Variants in BCAS3 observed in about 807,000 individuals in gnomAD.
BCAS3 encodes BCAS4/BCAS3 fusion.
BCAS3 carries 53 observed loss-of-function variants against 116.1 expected under a neutral mutation model. The ratio of observed to expected loss-of-function variants is 0.46; its 90% CI spans 0.37 to 0.57. The LOEUF (loss-of-function observed/expected upper bound fraction) is 0.57. Among genes scored for constraint, BCAS3 ranks in the 20% least tolerant of loss-of-function variants. The probability of loss-of-function intolerance (pLI) is 0.00; values close to 1 mark genes in which losing one functional copy is unlikely to be tolerated. For synonymous variants in BCAS3, 391 were observed against 408.2 expected (o/e 0.96, Z 0.51); for missense variants, 917 against 1,165.4 (o/e 0.79, Z 3.10).
chr17:60,870,301 A>G (rs889126407), intron 8 of BCAS3, among the ~76,000 whole-genome samples: 2 of 152,192 alleles, frequency 1.3e-5, no homozygotes, highest in African/African-American at 4.8e-5. Context: ...ACAAGAGTGT[A>G]TGATATGGCA....
chr17:60,810,434 G>T lies in BCAS3; in HGVS notation c.476+2358G>T. 5.2e-6 allele frequency: 3 copies of T among 576,722 alleles called. No homozygotes were observed. The Admixed American group carries it at 6.3e-5, about 12-fold the overall frequency. 35.7% of individuals were successfully genotyped at this position (576,722 alleles called of 1,614,324 possible). A position where few individuals can be genotyped will look rare whatever the true frequency, so the allele number is the denominator to read the frequency against. ...GAGACCATGCAAAGCCTGGACGATT[G>T]CCTGGCCTCCTGCCTGGACAGAGCA... On this transcript the variant is annotated intron_variant, in intron 7 of 23. Transcript: ENST00000407086.
Position 61,302,653 on chromosome 17 carries a change from A to G in BCAS3, c.2426-65674A>G, listed in dbSNP as rs1444905299. 6.6e-6 allele frequency among the ~76,000 whole-genome samples: 1 copy of G among 152,190 alleles called. No homozygotes were observed. The highest frequency in any genetic ancestry group is 1.5e-5 in the Non-Finnish European group (1 of 68,024). On this transcript the variant is annotated intron_variant, in intron 22 of 23. Transcript: ENST00000407086. The surrounding 1 kb of genome is among the most constrained non-coding windows in gnomAD (Gnocchi z 4.4). ...CTAAGGAAACTAAGATTTAGGTTAC[A>G]TTGATGAGTGACAGAATTCTAGAAT...
intron 13 of BCAS3, among the ~76,000 whole-genome samples, chr17:60,946,800 A>G (rs1370578950): frequency 2.6e-5 from 4 of 152,068 alleles, no homozygotes; most frequent in South Asian, 2.1e-4. Context: ...AGTCCCAGCT[A>G]CTTGGGAGGC....
intron 10 of BCAS3, among the ~76,000 whole-genome samples, chr17:60,892,287 T>G (rs1413842070): frequency 2.6e-5 from 4 of 151,928 alleles, no homozygotes; most frequent in Non-Finnish European, 5.9e-5. Flanking sequence ...TCCATATTCC[T>G]GTCAACATCT....
At position 61,029,375 on chromosome 17, in the gene BCAS3, C is replaced by T. The variant is rs1341807399; in HGVS notation, c.1638-5291C>T. Among the ~76,000 whole-genome samples, 4 of 151,910 alleles carry T rather than the reference C, an allele frequency of 2.6e-5. No homozygotes were observed. The highest frequency in any genetic ancestry group is 5.9e-5 in the Non-Finnish European group (4 of 67,874). On this transcript the variant is annotated intron_variant, in intron 16 of 23. Transcript: ENST00000407086. This position sits in a 1 kb window ranked among gnomAD's most constrained non-coding sequence, Gnocchi z 5.2. ...GCTTGTTGGAAAGTAAACTATGCAT[C>T]TTCAACATTTTAGTCACTTTGGACT...
rs1568619967 is a variant in BCAS3 at position 61,230,132 on chromosome 17, A to AGT, written c.2426-138188_2426-138187dup. ...AGAGCGAGACTCTGTCTCAAAAAAA[A>AGT]GTGTGTGTATACACACACACACACA... On this transcript the variant is annotated intron_variant, in intron 22 of 23. Transcript: ENST00000407086. Among the ~76,000 whole-genome samples the AGT allele has an allele frequency of 3.1e-5, 3 of 97,212 alleles. No individual in the cohort carries two copies. The Admixed American group carries it at 3.8e-4, about 12-fold the overall frequency. 63.8% of individuals were successfully genotyped at this position (97,212 alleles called of 152,430 possible). A position where few individuals can be genotyped will look rare whatever the true frequency, so the allele number is the denominator to read the frequency against.
chr17:60,782,741 G>A (rs1311031672), intron 6 of BCAS3, among the ~76,000 whole-genome samples: 3 of 151,430 alleles, frequency 2.0e-5, no homozygotes, highest in East Asian at 1.9e-4. Context: ...ACGCACCACC[G>A]CACACAGCTA....
Position 61,279,202 on chromosome 17 carries a change from C to G in BCAS3, c.2426-89125C>G, listed in dbSNP as rs575152805. On this transcript the variant is annotated intron_variant, in intron 22 of 23. Coordinates refer to ENST00000407086, the MANE Select transcript of BCAS3 (RefSeq NM_017679.5). The surrounding 1 kb of genome is among the most constrained non-coding windows in gnomAD (Gnocchi z 4.4). ...CCTCAAGTGATCCGCCCACCTCGGCCTCCCAAAGTGTTGGGATTACAGGCA... is the reference window on the plus strand; with the variant it reads ...CCTCAAGTGATCCGCCCACCTCGGCGTCCCAAAGTGTTGGGATTACAGGCA... 8.4e-4 allele frequency among the ~76,000 whole-genome samples: 128 copies of G among 152,264 alleles called. No individual in the cohort carries two copies. Among genetic ancestry groups the G allele is most frequent in the African/African-American group, 2.6e-3 (108 of 41,558 alleles).
At chr17:60,946,937 A>G (rs913209643) in intron 13 of BCAS3, among the ~76,000 whole-genome samples, 11 of 152,114 alleles carry the variant, frequency 7.2e-5, no homozygotes, top group African/African-American at 2.2e-4. Flanking sequence ...AAAATTATGA[A>G]TTCTGTAAAT....
intron 9 of BCAS3, among the ~76,000 whole-genome samples, chr17:60,884,808 A>G (rs1176615941): frequency 7.0e-6 from 1 of 142,320 alleles, no homozygotes; most frequent in Non-Finnish European, 1.5e-5. Context: ...GGTCTGAGAG[A>G]TAGTTTGTTA....
intron 2 of BCAS3, among the ~76,000 whole-genome samples, chr17:60,681,414 C>T (rs951696937): frequency 1.8e-4 from 28 of 151,752 alleles, no homozygotes; most frequent in Non-Finnish European, 2.9e-4. Flanking sequence ...GCAGGAGAAT[C>T]GCTTGAACCC....
At chr17:60,870,263 T>C (rs954944863) in intron 8 of BCAS3, among the ~76,000 whole-genome samples, 3 of 152,188 alleles carry the variant, frequency 2.0e-5, no homozygotes, top group Non-Finnish European at 4.4e-5. Context: ...GTAGAGCTTA[T>C]TCGGGAGCCC....
At chr17:61,047,184 T>A (rs895050368) in intron 19 of BCAS3, among the ~76,000 whole-genome samples, 1 of 152,002 alleles carries the variant, frequency 6.6e-6, no homozygotes, top group Non-Finnish European at 1.5e-5. Context: ...TTAATGAATT[T>A]TTATTTTTAT....
At chr17:60,862,351 C>T (rs986183315) in intron 7 of BCAS3, among the ~76,000 whole-genome samples, 4 of 152,004 alleles carry the variant, frequency 2.6e-5, no homozygotes, top group African/African-American at 9.7e-5. Context: ...ATCTCTCATG[C>T]TCGACTTTTT....
chr17:61,284,247 C>T (rs1360916842), intron 22 of BCAS3, among the ~76,000 whole-genome samples: 1 of 152,192 alleles, frequency 6.6e-6, no homozygotes, highest in Non-Finnish European at 1.5e-5. Context: ...CCAGCAGTCG[C>T]AAACCTGCTC....
intron 6 of BCAS3, among the ~76,000 whole-genome samples, chr17:60,802,908 TGCCC>T (rs2047946389): frequency 6.6e-6 from 1 of 152,220 alleles, no homozygotes; most frequent in Non-Finnish European, 1.5e-5. Context: ...TGAGCCACTG[TGCCC>T]AGTCTATTTG....
At chr17:61,240,744 TTA>T (rs2047442327) in intron 22 of BCAS3, among the ~76,000 whole-genome samples, 1 of 152,222 alleles carries the variant, frequency 6.6e-6, no homozygotes, top group African/African-American at 2.4e-5. Context: ...AAAACAGATT[TTA>T]TGTTATTCAC....
intron 16 of BCAS3, among the ~76,000 whole-genome samples, chr17:61,018,946 T>TC (rs2065683511): frequency 1.3e-5 from 2 of 152,174 alleles, no homozygotes; most frequent in Non-Finnish European, 2.9e-5. Flanking sequence ...GTTCCTTTTT[T>TC]CCCTCACCAT....
intron 6 of BCAS3, among the ~76,000 whole-genome samples, chr17:60,786,090 C>T (rs1328105955): frequency 3.9e-5 from 6 of 152,208 alleles, no homozygotes; most frequent in African/African-American, 7.2e-5. Context: ...GAACCAATCC[C>T]GCACAGATAC....
Sources: allele counts gnomAD v4.1 joint callset (sites outside exome capture counted in the v4.1 genomes callset), GRCh38; gene constraint gnomAD v4.1.1; non-coding constraint Gnocchi (gnomAD v3.1); transcripts MANE v1.5; gene names NCBI Gene and HGNC (gene_info 2026-07-23, HGNC 2026-07-21).